The following HMBOX1 variants were observed in gnomAD, a reference collection of about 807,000 sequenced individuals.
The protein encoded by HMBOX1 is homeobox-containing protein 1.
In HMBOX1, 14 loss-of-function variants were observed where a neutral mutation model predicts 54.5. That is an observed-to-expected ratio of 0.26 (90% CI 0.17 to 0.40). HMBOX1 has a LOEUF of 0.40. Ranked by LOEUF, HMBOX1 falls within the 10% of genes least tolerant of loss-of-function variation. The pLI is 1.00. For synonymous variants in HMBOX1, 160 were observed against 181.0 expected (o/e 0.88, Z 0.93); for missense variants, 332 against 514.4 (o/e 0.65, Z 3.43).
At chr8:29,021,613 T>C (rs1043343569) in intron 6 of HMBOX1, among the ~76,000 whole-genome samples, 2 of 151,836 alleles carry the variant, frequency 1.3e-5, no homozygotes, top group Non-Finnish European at 2.9e-5. Flanking sequence ...CCCAGCACTT[T>C]GGGAGGCCGA....
intron 1 of HMBOX1, among the ~76,000 whole-genome samples, chr8:28,937,725 G>C (rs1043094199): frequency 6.6e-6 from 1 of 152,184 alleles, no homozygotes; most frequent in Non-Finnish European, 1.5e-5. Flanking sequence ...ACATGGCCAA[G>C]AACAGCATAG....
intron 5 of HMBOX1, among the ~76,000 whole-genome samples, chr8:29,018,217 G>A (rs1400121477): frequency 6.6e-6 from 1 of 152,178 alleles, no homozygotes; most frequent in Non-Finnish European, 1.5e-5. Flanking sequence ...AAAGGGATTT[G>A]TTAAATAGTG....
intron 6 of HMBOX1, among the ~76,000 whole-genome samples, chr8:29,044,274 C>T (rs1251148845): frequency 6.6e-6 from 1 of 152,116 alleles, no homozygotes; most frequent in Admixed American, 6.5e-5. Flanking sequence ...AGGGAAACCC[C>T]TGAATAAATG....
chr8:29,047,558 A>T (rs2133376967), intron 8 of HMBOX1, 105 bp downstream of exon 8: 2 of 536,020 alleles, frequency 3.7e-6, no homozygotes, highest in Non-Finnish European at 6.5e-6. Context: ...AAGGATCCTA[A>T]CTTCTCTTTT....
intron 1 of HMBOX1, among the ~76,000 whole-genome samples, chr8:28,903,060 GTATAA>G (rs913589600): frequency 3.3e-5 from 5 of 152,034 alleles, no homozygotes; most frequent in African/African-American, 4.8e-5. Context: ...AACAAATGAA[GTATAA>G]TATAACCATT....
Position 29,018,803 on chromosome 8 carries a change from C to T in HMBOX1, c.741C>T (p.Asp247=). The change falls in exon 6 of 10, where the codon GAC becomes GAT. Residue 247 remains aspartate (D), a synonymous_variant. Coordinates refer to ENST00000287701, the MANE Select transcript of HMBOX1 (RefSeq NM_001135726.3). The part of the protein sequence containing the change: ...SMRPAPIPIE[D]PEWRQTPPPV... ...GACCAGCCCCCATTCCAATAGAGGA[C>T]CCTGAATGGAGACAAACGCCTCCCC... 1 of 1,614,130 alleles carries T rather than the reference C, an allele frequency of 6.2e-7. No individual in the cohort carries two copies. The highest frequency in any genetic ancestry group is 8.5e-7 in the Non-Finnish European group (1 of 1,179,958).
intron 5 of HMBOX1, among the ~76,000 whole-genome samples, chr8:29,018,032 G>C (rs900266799): frequency 6.6e-6 from 1 of 152,090 alleles, no homozygotes; most frequent in African/African-American, 2.4e-5. Context: ...ATTATGTTTT[G>C]GGAAGATGAA....
At chr8:28,931,820 C>A (rs930065402) in intron 1 of HMBOX1, among the ~76,000 whole-genome samples, 1 of 152,102 alleles carries the variant, frequency 6.6e-6, no homozygotes, top group South Asian at 2.1e-4. Flanking sequence ...GGATTACAGG[C>A]GTGAGCTACT....
intron 6 of HMBOX1, among the ~76,000 whole-genome samples, chr8:29,029,752 T>C (rs986064949): frequency 2.0e-5 from 3 of 152,250 alleles, no homozygotes; most frequent in African/African-American, 7.2e-5. Context: ...ATTCTACTCA[T>C]TGAACTTCTC....
chr8:29,003,195 A>G (rs1043292108), intron 4 of HMBOX1, among the ~76,000 whole-genome samples: 7 of 151,994 alleles, frequency 4.6e-5, no homozygotes, highest in African/African-American at 1.7e-4. Flanking sequence ...ACAAACTATG[A>G]ATCAAAAATT....
chr8:28,985,991 C>T (rs1427920761), intron 4 of HMBOX1, among the ~76,000 whole-genome samples: 1 of 152,150 alleles, frequency 6.6e-6, no homozygotes, highest in Non-Finnish European at 1.5e-5. Flanking sequence ...TCTTTGGTTT[C>T]TGGACAAATG....
intron 6 of HMBOX1, 34 bp downstream of exon 6, chr8:29,018,947 A>G: frequency 6.2e-7 from 1 of 1,605,868 alleles, no homozygotes; most frequent in Non-Finnish European, 8.5e-7. Context: ...ATGATCTCCC[A>G]AACTTAGGGA....
At chr8:28,976,910 T>C (rs1248550806) in intron 3 of HMBOX1, among the ~76,000 whole-genome samples, 1 of 151,994 alleles carries the variant, frequency 6.6e-6, no homozygotes. Context: ...GGTCTCATCA[T>C]GTTGGCCAGG....
intron 1 of HMBOX1, among the ~76,000 whole-genome samples, chr8:28,950,328 A>G (rs1823191010): frequency 6.6e-6 from 1 of 152,240 alleles, no homozygotes; most frequent in Admixed American, 6.5e-5. Context: ...CTTACATGTG[A>G]TTCTGATGTA....
At chr8:28,902,245 C>T (rs1220583956) in intron 1 of HMBOX1, among the ~76,000 whole-genome samples, 1 of 152,084 alleles carries the variant, frequency 6.6e-6, no homozygotes, top group East Asian at 1.9e-4. Flanking sequence ...GTCGCTGGTA[C>T]CAGCTACAGC....
intron 1 of HMBOX1, among the ~76,000 whole-genome samples, chr8:28,941,889 A>C (rs1004338806): frequency 7.2e-5 from 11 of 151,966 alleles, no homozygotes; most frequent in African/African-American, 2.7e-4. Flanking sequence ...GCTTACACAA[A>C]CCCCCCAGCC....
intron 4 of HMBOX1, among the ~76,000 whole-genome samples, chr8:28,989,576 T>A (rs1830680440): frequency 6.6e-6 from 1 of 152,232 alleles, no homozygotes; most frequent in African/African-American, 2.4e-5. Context: ...AGTCTTTATG[T>A]CTATCCTTAT....
At chr8:28,976,818 T>C (rs1451760308) in intron 3 of HMBOX1, among the ~76,000 whole-genome samples, 1 of 151,616 alleles carries the variant, frequency 6.6e-6, no homozygotes, top group African/African-American at 2.4e-5. Context: ...GCGATTCTCC[T>C]GCCTCAGCCT....
At chr8:28,969,905 C>A in intron 2 of HMBOX1, 138 bp from the exon 3 acceptor site, 1 of 627,450 alleles carries the variant, frequency 1.6e-6, no homozygotes, top group Non-Finnish European at 2.8e-6. Flanking sequence ...ATGGCACAAT[C>A]ATTCTAGCAT....
Sources: allele counts gnomAD v4.1 joint callset (sites outside exome capture counted in the v4.1 genomes callset), GRCh38; gene constraint gnomAD v4.1.1; transcripts MANE v1.5; gene names NCBI Gene and HGNC (gene_info 2026-07-23, HGNC 2026-07-21).